AMOTL1: variants seen among roughly 807,000 people sequenced by gnomAD.
The protein encoded by AMOTL1 is angiomotin-like protein 1.
A neutral mutation model predicts 102.9 loss-of-function variants in AMOTL1; 45 were observed. That is an observed-to-expected ratio of 0.44 (90% confidence interval 0.34 to 0.56). AMOTL1 has a LOEUF of 0.56. AMOTL1 is among the 20% of genes least tolerant of loss of function. AMOTL1 has a pLI of 0.01. For synonymous variants in AMOTL1, 481 were observed against 484.7 expected (o/e 0.99, Z 0.10); for missense variants, 1,114 against 1,225.6 (o/e 0.91, Z 1.36).
intron 7 of AMOTL1, among the ~76,000 whole-genome samples, chr11:94,851,223 G>C (rs1952531163): frequency 6.6e-6 from 1 of 152,216 alleles, no homozygotes; most frequent in South Asian, 2.1e-4. Context: ...CAGGAGATCT[G>C]TTATGCCTAA....
intron 1 of AMOTL1, among the ~76,000 whole-genome samples, chr11:94,726,982 C>T (rs542147424): frequency 6.6e-6 from 1 of 152,234 alleles, no homozygotes; most frequent in South Asian, 2.1e-4. Context: ...AAACACTCAC[C>T]ATGGGCCTAT....
intron 3 of AMOTL1, among the ~76,000 whole-genome samples, chr11:94,757,878 A>T (rs1950745503): frequency 6.6e-6 from 1 of 152,318 alleles, no homozygotes; most frequent in African/African-American, 2.4e-5. Flanking sequence ...CCTGACCAAC[A>T]TGGTGAAACC....
At chr11:94,796,423 A>C (rs545693922) in intron 2 of AMOTL1, among the ~76,000 whole-genome samples, 22 of 152,340 alleles carry the variant, frequency 1.4e-4, no homozygotes, top group Non-Finnish European at 2.5e-4. Context: ...GAGGCAACAC[A>C]TAAATATAAC....
At chr11:94,711,421 G>T (rs4753613) in intron 1 of AMOTL1, among the ~76,000 whole-genome samples, 69,979 of 151,836 alleles carry the variant, frequency 0.46, 18,115 homozygotes, top group Non-Finnish European at 0.57. Flanking sequence ...ACATTGGTAC[G>T]ATCCACAGAC....
chr11:94,819,775 A>C (rs1218351436), intron 3 of AMOTL1, among the ~76,000 whole-genome samples: 2 of 152,204 alleles, frequency 1.3e-5, no homozygotes, highest in African/African-American at 4.8e-5. Flanking sequence ...AACCTTGCAA[A>C]ATAAACTTTC....
intron 3 of AMOTL1, among the ~76,000 whole-genome samples, chr11:94,805,382 C>T (rs1221005687): frequency 2.0e-5 from 3 of 152,236 alleles, no homozygotes; most frequent in Non-Finnish European, 2.9e-5. Flanking sequence ...TGTGGGCTTT[C>T]GTCTGTCTTT....
intron 8 of AMOTL1, among the ~76,000 whole-genome samples, chr11:94,855,238 C>T (rs1300518145): frequency 6.6e-6 from 1 of 152,200 alleles, no homozygotes; most frequent in Admixed American, 6.5e-5. Context: ...CAGGGCAGGC[C>T]CATGCAGTTC....
At chr11:94,790,985 C>T (rs535565328) in intron 1 of AMOTL1, among the ~76,000 whole-genome samples, 21 of 152,204 alleles carry the variant, frequency 1.4e-4, no homozygotes, top group Middle Eastern at 3.4e-3. Flanking sequence ...ACAATGAAGC[C>T]GTTGTTATTG....
Position 94,864,866 on chromosome 11 carries a change from G to A in AMOTL1, c.2261+6G>A, listed in dbSNP as rs371193504. On this transcript the variant is annotated splice_donor_region_variant and intron_variant, in intron 10 of 12. Coordinates refer to ENST00000433060, the MANE Select transcript of AMOTL1 (RefSeq NM_130847.3). Reference sequence around the variant, plus strand: ...TGTCAGGACATGGAATACACGTAAGGGACGACTATGTGTGACGTGTGGGGC... The same window carrying A: ...TGTCAGGACATGGAATACACGTAAGAGACGACTATGTGTGACGTGTGGGGC... The A allele has an allele frequency of 2.5e-5, 41 of 1,611,926 alleles. No individual in the cohort carries two copies. Among genetic ancestry groups the A allele is most frequent in the Non-Finnish European group, 3.3e-5 (39 of 1,178,700 alleles).
intron 1 of AMOTL1, among the ~76,000 whole-genome samples, chr11:94,720,591 T>C (rs1213933043): frequency 6.6e-6 from 1 of 152,102 alleles, no homozygotes; most frequent in Non-Finnish European, 1.5e-5. Flanking sequence ...ATCTGAGAAG[T>C]GGCTGGAAAC....
chr11:94,777,442 G>A (rs1413000173), intron 1 of AMOTL1, among the ~76,000 whole-genome samples: 2 of 152,146 alleles, frequency 1.3e-5, no homozygotes, highest in African/African-American at 2.4e-5. Context: ...TTAACCCTGA[G>A]TTGAGGCATT....
chr11:94,829,960 C>A, intron 4 of AMOTL1, 90 bp from the exon 5 acceptor site: 1 of 1,320,844 alleles, frequency 7.6e-7, no homozygotes. Flanking sequence ...AAGATACAGC[C>A]TTCACACTGG....
Position 94,866,506 on chromosome 11 carries a change from G to C in AMOTL1, c.2488+338G>C, listed in dbSNP as rs1189555122. ...CTGAACTTGGCTCTGCTCTAGACCA[G>C]TTGTATGACGGCTCCACCTCTGCTT... is the stretch of plus-strand genomic sequence containing the variant. On this transcript the variant is annotated intron_variant, in intron 11 of 12. Coordinates refer to ENST00000433060, the MANE Select transcript of AMOTL1 (RefSeq NM_130847.3). 1.3e-4 allele frequency: 37 copies of C among 280,956 alleles called. No homozygotes were observed. In the East Asian group the frequency reaches 2.8e-3, roughly 21 times the overall value. 17.4% of individuals were successfully genotyped at this position (280,956 alleles called of 1,614,324 possible).
chr11:94,817,427 A>C (rs1119802), intron 3 of AMOTL1, among the ~76,000 whole-genome samples: 40,342 of 151,998 alleles, frequency 0.27, 5,938 homozygotes, highest in East Asian at 0.46. Flanking sequence ...ATTTGATGTA[A>C]TAAAATCATA....
intron 3 of AMOTL1, among the ~76,000 whole-genome samples, chr11:94,752,814 A>G (rs1359837130): frequency 1.3e-5 from 2 of 152,170 alleles, no homozygotes; most frequent in African/African-American, 4.8e-5. Flanking sequence ...TCTGGAATGA[A>G]TCCTGTGGAA....
At chr11:94,826,742 C>T (rs1951972401) in intron 4 of AMOTL1, among the ~76,000 whole-genome samples, 1 of 152,210 alleles carries the variant, frequency 6.6e-6, no homozygotes, top group South Asian at 2.1e-4. Context: ...CCCAATGTCA[C>T]CACACTGGGA....
chr11:94,779,791 G>A (rs928070402), intron 1 of AMOTL1, among the ~76,000 whole-genome samples: 3 of 151,958 alleles, frequency 2.0e-5, no homozygotes, highest in Admixed American at 6.6e-5. Context: ...AAATTATCCA[G>A]TTATCTGTTG....
intron 1 of AMOTL1, among the ~76,000 whole-genome samples, chr11:94,718,636 C>G (rs1950131058): frequency 6.6e-6 from 1 of 151,624 alleles, no homozygotes; most frequent in African/African-American, 2.4e-5. Flanking sequence ...AAAAAGATAT[C>G]AAGATTGTTT....
intron 6 of AMOTL1, among the ~76,000 whole-genome samples, chr11:94,845,271 G>T (rs917852343): frequency 6.6e-6 from 1 of 152,218 alleles, no homozygotes; most frequent in Admixed American, 6.5e-5. Flanking sequence ...ACAGAAAGGG[G>T]ACATCTTTGA....
Sources: gnomAD v4.1 joint callset for allele counts (sites outside exome capture counted in the v4.1 genomes callset) on GRCh38, gnomAD v4.1.1 for gene constraint, MANE v1.5 for transcripts, NCBI Gene and HGNC (gene_info 2026-07-23, HGNC 2026-07-21) for gene names.